SCPEP1: variants seen among roughly 807,000 people sequenced by gnomAD.
SCPEP1 encodes the protein retinoid-inducible serine carboxypeptidase.
In SCPEP1, 51 loss-of-function variants were observed where a neutral mutation model predicts 63.8. The observed-to-expected ratio is 0.80, with a 90% CI of 0.64 to 1.01. The LOEUF is 1.01. SCPEP1 is among the 50% of genes least tolerant of loss of function. The pLI is 0.00. For missense variants in SCPEP1, 499 were observed against 554.9 expected (o/e 0.90, Z 1.01); for synonymous variants, 204 against 207.8 (o/e 0.98, Z 0.16).
In SCPEP1 at chr17:56,988,169, A is replaced by G. The variant is rs12453004; in HGVS notation, c.472-47A>G. On this transcript the variant is annotated intron_variant, in intron 4 of 12. Transcript: ENST00000262288. ...ATTTGAAATTAATTTGTGTGACTCA[A>G]AAAGCAATCAAGGTAGTTAATTCTG... 787,723 of 1,416,312 alleles carry G rather than the reference A, an allele frequency of 0.56. 221,868 individuals carry two copies. Among genetic ancestry groups the G allele is most frequent in the East Asian group, 0.78 (34,164 of 43,542 alleles). The allele number at this position is 1,416,312 out of a possible 1,614,324, so 87.7% of individuals were successfully genotyped here.
rs73313846 is a variant in SCPEP1, at chr17:56,993,086, T to C, written c.620-1895T>C. ...AGGTAGTAGATACTGTTCTAGGTGC[T>C]AGGAAAAGATACACAGATAAGCTCC... On this transcript the variant is annotated intron_variant, in intron 6 of 12. Coordinates refer to ENST00000262288, the MANE Select transcript of SCPEP1 (RefSeq NM_021626.3). Among the ~76,000 whole-genome samples the C allele has an allele frequency of 7.3e-3, 1,108 of 152,302 alleles. 17 individuals are homozygous for C. Among genetic ancestry groups the C allele is most frequent in the African/African-American group, 0.025 (1,054 of 41,554 alleles).
At chr17:56,979,193 T>G (rs997201767) in intron 1 of SCPEP1, among the ~76,000 whole-genome samples, 1 of 152,224 alleles carries the variant, frequency 6.6e-6, no homozygotes, top group African/African-American at 2.4e-5. Flanking sequence ...CTCACTATGT[T>G]GCCCAGGCTG....
intron 10 of SCPEP1, among the ~76,000 whole-genome samples, chr17:57,000,471 C>T (rs1006908135): frequency 6.6e-6 from 1 of 152,074 alleles, no homozygotes; most frequent in Non-Finnish European, 1.5e-5. Flanking sequence ...GAAACTTGGC[C>T]CTGGTGTTAC....
At chr17:56,997,503 A>G (rs2144501612) in intron 9 of SCPEP1, among the ~76,000 whole-genome samples, 2 of 152,358 alleles carry the variant, frequency 1.3e-5, no homozygotes, top group Middle Eastern at 3.4e-3. Flanking sequence ...CTTTCAGCCA[A>G]CCAAGAAGCA....
chr17:56,999,162 G>A (rs1911663839), intron 10 of SCPEP1, among the ~76,000 whole-genome samples: 1 of 152,072 alleles, frequency 6.6e-6, no homozygotes, highest in Non-Finnish European at 1.5e-5. Flanking sequence ...TACATCGAAG[G>A]CCACAGTTGG....
rs1760325652 is a variant in SCPEP1, at chr17:56,987,729, C to T, written c.350C>T (p.Pro117Leu). 5 of 1,613,840 alleles carry T rather than the reference C, an allele frequency of 3.1e-6. No individual in the cohort carries two copies. The highest frequency in any genetic ancestry group is 4.2e-6 in the Non-Finnish European group (5 of 1,179,958). The change falls in exon 4 of 13, where the codon CCC becomes CTC. Residue 117 changes from proline (P) to leucine (L), a missense_variant. Physicochemically the swap from Pro to Leu is moderately conservative, Grantham distance 98. Transcript: ENST00000262288. ...QAASLLFVDN[P>L]VGTGFSYVNG... ...GCCAGTCTCCTATTTGTGGATAATC[C>T]CGTGGGCACTGGGTTCAGTTATGTG...
chr17:57,000,894 T>C lies in SCPEP1; in HGVS notation c.1034T>C (p.Phe345Ser). ...GTCTTTGTGAACATGGAGGAGGACT[T>C]CATGAAGCCAGTCATTAGCATTGTG... ...TNVFVNMEED[F>S]MKPVISIVDE... Residue 345 changes from phenylalanine (F) to serine (S), a missense_variant, in exon 11 of 13, where the codon TTC (phenylalanine) becomes TCC (serine). Coordinates refer to ENST00000262288, the MANE Select transcript of SCPEP1 (RefSeq NM_021626.3). 1 of 1,614,126 alleles carries C rather than the reference T, an allele frequency of 6.2e-7. No homozygotes were observed. The highest frequency in any genetic ancestry group is 8.5e-7 in the Non-Finnish European group (1 of 1,180,002).
chr17:56,978,380 CTT>C (rs71139945), intron 1 of SCPEP1, 145 bp downstream of exon 1: 40,188 of 756,090 alleles, frequency 0.053, 29 homozygotes, highest in East Asian at 0.11. Context: ...GAATCTCACT[CTT>C]TTTTTTTTTT....
At chr17:56,995,986 A>G (rs994155937) in intron 8 of SCPEP1, 3 of 156,734 alleles carry the variant, frequency 1.9e-5, no homozygotes, top group Non-Finnish European at 4.2e-5. Flanking sequence ...AGCCAGAAGG[A>G]AAGAATGCGT....
Position 57,006,401 on chromosome 17 carries a change from A to G in SCPEP1, c.*166A>G. On this transcript the variant is annotated 3_prime_UTR_variant, in exon 13 of 13. Coordinates refer to ENST00000262288, the MANE Select transcript of SCPEP1 (RefSeq NM_021626.3). The stretch of plus-strand genomic sequence containing the variant: ...GATAAAATCATTGTCTCTGGAGGCA[A>G]TTTGGAAATTATTTCTGCTTCTTAA... The G allele has an allele frequency of 2.3e-6, 1 of 434,532 alleles. No homozygotes were observed. Among genetic ancestry groups the G allele is most frequent in the Non-Finnish European group, 4.1e-6 (1 of 242,724 alleles). The allele number at this position is 434,532 out of a possible 1,614,324, so 26.9% of individuals were successfully genotyped here.
chr17:56,981,787 G>A (rs1458915834), intron 2 of SCPEP1, among the ~76,000 whole-genome samples: 3 of 152,022 alleles, frequency 2.0e-5, no homozygotes, highest in Non-Finnish European at 4.4e-5. Flanking sequence ...GTGCCACTGC[G>A]CTCCAGCCTG....
chr17:56,982,295 C>T (rs924316598), intron 2 of SCPEP1, among the ~76,000 whole-genome samples: 1 of 152,164 alleles, frequency 6.6e-6, no homozygotes, highest in African/African-American at 2.4e-5. Flanking sequence ...GGGACGTCTT[C>T]CAACAATGCT....
chr17:56,999,392 A>T (rs1319405835), intron 10 of SCPEP1, among the ~76,000 whole-genome samples: 1 of 152,220 alleles, frequency 6.6e-6, no homozygotes, highest in East Asian at 1.9e-4. Flanking sequence ...TTCCTACTTT[A>T]GTCCTATAGG....
At chr17:57,004,249 G>A (rs552743739) in intron 12 of SCPEP1, among the ~76,000 whole-genome samples, 16 of 152,304 alleles carry the variant, frequency 1.1e-4, no homozygotes, top group African/African-American at 3.8e-4. Flanking sequence ...AATCAACTGG[G>A]CGCGGTGGCG....
intron 12 of SCPEP1, among the ~76,000 whole-genome samples, chr17:57,002,540 A>G (rs1437050111): frequency 3.3e-5 from 5 of 152,180 alleles, no homozygotes; most frequent in African/African-American, 1.2e-4. Context: ...ACGTGGCGAA[A>G]CCCTGTCTCT....
chr17:57,006,437 GA>G lies in SCPEP1; in HGVS notation c.*203del. 1 of 383,870 alleles carries G rather than the reference GA, an allele frequency of 2.6e-6. No individual in the cohort carries two copies. The allele number at this position is 383,870 out of a possible 1,614,324, so 23.8% of individuals were successfully genotyped here. ...ATTTCTGCTTCTTAAAAAAACCTAAGATTTTTTAAAAAATTGATTTGTTTTG... is the reference window on the plus strand; with the variant it reads ...ATTTCTGCTTCTTAAAAAAACCTAAGTTTTTTAAAAAATTGATTTGTTTTG... On this transcript the variant is annotated 3_prime_UTR_variant, in exon 13 of 13. Transcript: ENST00000262288.
In SCPEP1 at chr17:56,981,250, T is replaced by A. The variant is rs753189115; in HGVS notation, c.225+20T>A. On this transcript the variant is annotated intron_variant, in intron 2 of 12. Transcript: ENST00000262288. ...CTTCAGGTAAAGTAGCTTCCCAGCC[T>A]GGCCTGAGGTCAAAGCCAAGTCTCC... 1 of 1,613,738 alleles carries A rather than the reference T, an allele frequency of 6.2e-7. No individual in the cohort carries two copies.
intron 1 of SCPEP1, among the ~76,000 whole-genome samples, chr17:56,980,788 CAAAAAAAAAA>C (rs10716600): frequency 2.5e-4 from 19 of 77,144 alleles, no homozygotes; most frequent in African/African-American, 8.8e-4. Flanking sequence ...GACTTCGTAT[CAAAAAAAAAA>C]AAAAAAAAAA....
intron 5 of SCPEP1, 121 bp from the exon 6 acceptor site, chr17:56,990,978 C>T (rs1336497504): frequency 5.1e-6 from 4 of 790,058 alleles, no homozygotes; most frequent in Non-Finnish European, 9.2e-6. Context: ...CACTACATTG[C>T]CTAGGCTGGT....
Sources: allele counts gnomAD v4.1 joint callset (sites outside exome capture counted in the v4.1 genomes callset), GRCh38; gene constraint gnomAD v4.1.1; transcripts MANE v1.5; gene names NCBI Gene and HGNC (gene_info 2026-07-23, HGNC 2026-07-21).